CRYBG3: variants seen among roughly 807,000 people sequenced by gnomAD.
CRYBG3 encodes the protein very large A-kinase anchor protein.
A neutral mutation model predicts 244.2 loss-of-function variants in CRYBG3; 127 were observed. The observed-to-expected ratio is 0.52, with a 90% confidence interval of 0.45 to 0.60. CRYBG3 has a LOEUF of 0.60. Ranked by LOEUF, CRYBG3 falls within the 20% of genes least tolerant of loss-of-function variation. The pLI, the probability that CRYBG3 is intolerant of heterozygous loss-of-function variation, is 0.00. For synonymous variants in CRYBG3, 1,132 were observed against 1,195.8 expected, an observed-to-expected ratio of 0.95 and a Z score of 1.10; for missense variants, 3,325 against 3,442.5, an observed-to-expected ratio of 0.97 and a Z score of 0.85.
At chr3:97,912,012 C>T (rs1001963964) in intron 15 of CRYBG3, among the ~76,000 whole-genome samples, 155 bp from the exon 16 acceptor site, 21 of 152,286 alleles carry the variant, frequency 1.4e-4, no homozygotes, top group Admixed American at 4.6e-4. Flanking sequence ...AGGAGCATAT[C>T]ATTATCCCTA....
intron 7 of CRYBG3, among the ~76,000 whole-genome samples, chr3:97,883,482 C>T (rs1356578165): frequency 1.3e-5 from 2 of 150,532 alleles, no homozygotes; most frequent in South Asian, 2.1e-4. Context: ...ACCTCTCTCA[C>T]CCCCCCCACC....
intron 4 of CRYBG3, among the ~76,000 whole-genome samples, chr3:97,878,894 T>G (rs2039414245): frequency 6.6e-6 from 1 of 152,212 alleles, no homozygotes; most frequent in African/African-American, 2.4e-5. Context: ...AAATATTTAA[T>G]GTAGAATGCT....
rs59086152 is a variant in CRYBG3, at chr3:97,939,974, C to A, written c.8506-1174C>A. ...CAAGTTTCAAAAACAGTAGACTGTT[C>A]ATTGGTTCTCTTACCATATGACCTA... is the stretch of plus-strand genomic sequence containing the variant. On this transcript the variant is annotated intron_variant, in intron 19 of 21. Coordinates refer to ENST00000389622, the MANE Select transcript of CRYBG3 (RefSeq NM_153605.4). Among the ~76,000 whole-genome samples the A allele has an allele frequency of 4.7e-3, 719 of 152,106 alleles. 4 individuals are homozygous for A. The highest frequency in any genetic ancestry group is 0.016 in the African/African-American group (649 of 41,532).
chr3:97,846,199 T>G (rs897224970), intron 2 of CRYBG3, among the ~76,000 whole-genome samples: 8 of 152,226 alleles, frequency 5.3e-5, no homozygotes, highest in Non-Finnish European at 2.9e-5. Flanking sequence ...TCTCTCCTTT[T>G]TAGAAATGTT....
intron 11 of CRYBG3, among the ~76,000 whole-genome samples, chr3:97,894,395 A>G (rs2039616494): frequency 6.6e-6 from 1 of 152,074 alleles, no homozygotes; most frequent in South Asian, 2.1e-4. Context: ...GTCCCCATTT[A>G]AAGAGGAATA....
chr3:97,843,137 CT>C, intron 1 of CRYBG3, 57 bp from the exon 2 acceptor site: 1 of 1,137,558 alleles, frequency 8.8e-7, no homozygotes, highest in Non-Finnish European at 1.2e-6. Context: ...ATACAGAAAA[CT>C]TTTAGTTTCG....
At chr3:97,908,568 A>C (rs2039806902) in intron 15 of CRYBG3, among the ~76,000 whole-genome samples, 1 of 151,652 alleles carries the variant, frequency 6.6e-6, no homozygotes, top group South Asian at 2.1e-4. Context: ...TAGGATTGCA[A>C]CCCCTGCCTT....
rs539437568 is a variant in CRYBG3, at chr3:97,875,122, A to G, written c.3928A>G (p.Asn1310Asp). 2.3e-4 allele frequency: 354 copies of G among 1,534,744 alleles called. 1 individual carries two copies. The highest frequency in any genetic ancestry group is 5.8e-5 in the Non-Finnish European group (67 of 1,146,060). The change falls in exon 4 of 22, where the codon AAT becomes GAT. Residue 1310 changes from asparagine to aspartate, a missense_variant. Physicochemically the swap from Asn to Asp is conservative, Grantham distance 23 (BLOSUM62 1). Transcript: ENST00000389622. ...AGAAGATAAAGCTAGGGAATTAGTC[A>G]ATGAGATTATTTATGTAGCCCAAGA... ...LLEDKARELVNEIIYVAQEKL... is the reference protein window; with the variant it reads ...LLEDKARELVDEIIYVAQEKL...
At chr3:97,913,331 G>A (rs1485781621) in intron 16 of CRYBG3, among the ~76,000 whole-genome samples, 14 of 151,364 alleles carry the variant, frequency 9.2e-5, no homozygotes, top group Admixed American at 6.6e-4. Context: ...GCTTTCCTCC[G>A]TACCCACTAT....
At chr3:97,863,916 G>A (rs1324361379) in intron 2 of CRYBG3, among the ~76,000 whole-genome samples, 2 of 152,022 alleles carry the variant, frequency 1.3e-5, no homozygotes, top group Admixed American at 1.3e-4. Context: ...ACTTCCTCTA[G>A]GAAGCATCCC....
chr3:97,924,721 C>A (rs768837564), intron 17 of CRYBG3, among the ~76,000 whole-genome samples: 2 of 152,074 alleles, frequency 1.3e-5, no homozygotes, highest in Non-Finnish European at 2.9e-5. Context: ...TCCTACCTTC[C>A]TCTTACAGGG....
chr3:97,875,655 T>C lies in CRYBG3; in HGVS notation c.4461T>C (p.His1487=), dbSNP rs1576538114. ...CTCCACTTGTGAATGATGACATCCA[T>C]GCACCTGGTACATCTAAAAGCAGTT... ...KWPPLVNDDI[H]APGTSKSSLS... Residue 1487 remains histidine, a synonymous_variant, in exon 4 of 22, where the codon CAT becomes CAC. Transcript: ENST00000389622. The C allele has an allele frequency of 4.1e-6, 5 of 1,234,364 alleles. No individual in the cohort carries two copies. The East Asian group carries it at 1.3e-4, about 31-fold the overall frequency. The allele number at this position is 1,234,364 out of a possible 1,614,324, so 76.5% of individuals were successfully genotyped here.
chr3:97,841,218 G>GTATATATGTATATATGTGTGTATATACA (rs1553701363), intron 1 of CRYBG3, among the ~76,000 whole-genome samples: 1 of 147,492 alleles, frequency 6.8e-6, no homozygotes, highest in African/African-American at 2.6e-5. Flanking sequence ...ATGTATATAT[G>GTATATATGTATATATGTGTGTATATACA]TATATGTATA....
chr3:97,877,719 G>T lies in CRYBG3; in HGVS notation c.6525G>T (p.Leu2175Phe), dbSNP rs370317726. The T allele has an allele frequency of 5.0e-6, 8 of 1,613,954 alleles. No homozygotes were observed. The highest frequency in any genetic ancestry group is 2.2e-5 in the East Asian group (1 of 44,888). The part of the protein sequence containing the change: ...AGSGERVTFQ[L>F]PDPSITFYPD... The stretch of plus-strand genomic sequence containing the variant: ...GTGGGGAGCGTGTTACCTTCCAGTT[G>T]CCAGATCCTTCCATCACATTTTACC... Residue 2175 changes from leucine (L) to phenylalanine (F), a missense_variant, in exon 4 of 22, where the codon TTG (leucine) becomes TTT (phenylalanine). Leu to Phe is a conservative substitution (Grantham distance 22). Around this residue, in one of 4 missense-constraint regions of CRYBG3, gnomAD observed 450 missense variants for 424.1 expected, o/e 1.06. Coordinates refer to ENST00000389622, the MANE Select transcript of CRYBG3 (RefSeq NM_153605.4).
chr3:97,834,863 A>G (rs1443755657), intron 1 of CRYBG3, among the ~76,000 whole-genome samples: 1 of 151,978 alleles, frequency 6.6e-6, no homozygotes, highest in African/African-American at 2.4e-5. Context: ...GCTACTTTGT[A>G]TTTTTTCTCT....
intron 3 of CRYBG3, among the ~76,000 whole-genome samples, chr3:97,865,807 T>C (rs2039222828): frequency 6.6e-6 from 1 of 152,230 alleles, no homozygotes; most frequent in Non-Finnish European, 1.5e-5. Flanking sequence ...AAATTGTACA[T>C]TTTTATTTTG....
intron 10 of CRYBG3, among the ~76,000 whole-genome samples, chr3:97,892,625 A>G (rs989512376): frequency 6.6e-6 from 1 of 152,098 alleles, no homozygotes; most frequent in East Asian, 1.9e-4. Context: ...AGCACCTCGA[A>G]GTAGATCCTT....
Position 97,877,438 on chromosome 3 carries a change from C to T in CRYBG3, c.6244C>T (p.Pro2082Ser), listed in dbSNP as rs762493437. 52 of 1,613,986 alleles carry T rather than the reference C, an allele frequency of 3.2e-5. No individual in the cohort carries two copies. The South Asian group carries it at 5.5e-4, about 17-fold the overall frequency. Residue 2082 changes from proline (P) to serine (S), a missense_variant, in exon 4 of 22, where the codon CCT becomes TCT. Pro to Ser is a moderately conservative substitution (Grantham distance 74). Coordinates refer to ENST00000389622, the MANE Select transcript of CRYBG3 (RefSeq NM_153605.4). ...SVEAKRYKIY[P>S]LALSPIYEDD... is the part of the protein sequence containing the mutation. The stretch of plus-strand genomic sequence containing the variant: ...GGAGGCCAAAAGGTACAAAATTTAT[C>T]CTTTAGCATTGTCTCCCATTTATGA...
intron 15 of CRYBG3, among the ~76,000 whole-genome samples, chr3:97,901,509 C>G (rs1227836030): frequency 1.3e-5 from 2 of 152,090 alleles, no homozygotes; most frequent in Admixed American, 6.5e-5. Context: ...TAGCTCAGGC[C>G]TATTGGGAAC....
Sources: allele counts gnomAD v4.1 joint callset (sites outside exome capture counted in the v4.1 genomes callset), GRCh38; gene constraint gnomAD v4.1.1; regional missense constraint gnomAD v4.1.1; transcripts MANE v1.5; gene names NCBI Gene and HGNC (gene_info 2026-07-23, HGNC 2026-07-21).